Variants in OSBPL1A observed in about 807,000 individuals in gnomAD.
OSBPL1A encodes oxysterol binding protein like 1A, also known as oxysterol-binding protein-related protein 1.
A neutral mutation model predicts 137.1 loss-of-function variants in OSBPL1A; 80 were observed. The ratio of observed to expected loss-of-function variants is 0.58; its 90% CI spans 0.49 to 0.70. The LOEUF (loss-of-function observed/expected upper bound fraction) is 0.70, where lower values mean the gene tolerates loss of function less well. OSBPL1A is among the 30% of genes least tolerant of loss of function. The probability of loss-of-function intolerance (pLI) is 0.00; values close to 1 mark genes in which losing one functional copy is unlikely to be tolerated. For missense variants in OSBPL1A, 970 were observed against 1,129.4 expected (o/e 0.86, Z 2.02); for synonymous variants, 365 against 389.7 (o/e 0.94, Z 0.75).
intron 13 of OSBPL1A, 116 bp from the exon 14 acceptor site, chr18:24,303,834 C>G: frequency 1.4e-6 from 1 of 723,590 alleles, no homozygotes; most frequent in Non-Finnish European, 2.3e-6. Context: ...ATAACAGAGA[C>G]ATATGCCTTA....
intron 14 of OSBPL1A, among the ~76,000 whole-genome samples, chr18:24,288,306 C>A (rs554304884): frequency 6.6e-6 from 1 of 152,344 alleles, no homozygotes; most frequent in African/African-American, 2.4e-5. Flanking sequence ...AGAGAGGAAG[C>A]AGCTGAAGTG....
intron 7 of OSBPL1A, among the ~76,000 whole-genome samples, chr18:24,323,351 G>C (rs1299924058): frequency 6.6e-6 from 1 of 151,152 alleles, no homozygotes; most frequent in Non-Finnish European, 1.5e-5. Context: ...CCAGCAGTTC[G>C]AGACCAGCCC....
intron 7 of OSBPL1A, among the ~76,000 whole-genome samples, chr18:24,322,641 T>G (rs920152831): frequency 3.2e-4 from 48 of 152,320 alleles, no homozygotes; most frequent in African/African-American, 1.2e-3. Context: ...CAGGGCACTT[T>G]GGAGAAATTA....
At chr18:24,228,724 C>T (rs368254394) in intron 16 of OSBPL1A, among the ~76,000 whole-genome samples, 4 of 152,068 alleles carry the variant, frequency 2.6e-5, no homozygotes, top group East Asian at 1.9e-4. Flanking sequence ...GAGCTGCGTT[C>T]GCTGACAAGG....
At chr18:24,369,386 G>C (rs532208831) in intron 2 of OSBPL1A, among the ~76,000 whole-genome samples, 1 of 152,000 alleles carries the variant, frequency 6.6e-6, no homozygotes, top group African/African-American at 2.4e-5. Flanking sequence ...AAGCCCAAAA[G>C]CTTCCCAAAA....
chr18:24,303,661 T>C lies in OSBPL1A; in HGVS notation c.1150A>G (p.Ile384Val). 1 of 1,613,594 alleles carries C rather than the reference T, an allele frequency of 6.2e-7. No individual in the cohort carries two copies. Among genetic ancestry groups the C allele is most frequent in the Non-Finnish European group, 8.5e-7 (1 of 1,179,672 alleles). ...DREISNFLKMIKECDMAKEML... is the reference protein window; with the variant it reads ...DREISNFLKMVKECDMAKEML... ...CCTTTAGCCATGTCACACTCCTTAA[T>C]CATTTTGAGAAAGTTGGAAATTTCC... Residue 384 changes from isoleucine (I) to valine (V), a missense_variant, in exon 14 of 28, where the codon ATT becomes GTT. Physicochemically the swap from Ile to Val is conservative, Grantham distance 29. This residue lies in a region of OSBPL1A where 647 missense variants were observed against 672.6 expected (regional missense o/e 0.96). Transcript: ENST00000319481.
At chr18:24,169,584 A>G (rs1332683706) in intron 24 of OSBPL1A, among the ~76,000 whole-genome samples, 2 of 152,340 alleles carry the variant, frequency 1.3e-5, no homozygotes, top group East Asian at 3.9e-4. Context: ...AGGCAGAGAG[A>G]TGAGAAATCT....
chr18:24,200,092 C>T (rs559816307), intron 17 of OSBPL1A, among the ~76,000 whole-genome samples: 4 of 152,250 alleles, frequency 2.6e-5, no homozygotes, highest in South Asian at 4.1e-4. Flanking sequence ...TAAATACATA[C>T]AAAAAATGAT....
chr18:24,282,069 A>AC (rs1476177467), intron 14 of OSBPL1A, among the ~76,000 whole-genome samples: 3 of 146,514 alleles, frequency 2.0e-5, no homozygotes, highest in Admixed American at 6.9e-5. Flanking sequence ...CCATCTCCCC[A>AC]CCCCCCACTC....
In OSBPL1A at chr18:24,382,648, T is replaced by C. The variant is rs182127326; in HGVS notation, c.-2-5113A>G. On this transcript the variant is annotated intron_variant, in intron 1 of 27. Transcript: ENST00000319481. ...GGCTCAGCACTTTGGGAGGCCGAGGTGGGTGGATCTCCAGTCCAGGAGATC... is the reference window on the plus strand; with the variant it reads ...GGCTCAGCACTTTGGGAGGCCGAGGCGGGTGGATCTCCAGTCCAGGAGATC... 2.0e-5 allele frequency among the ~76,000 whole-genome samples: 3 copies of C among 151,804 alleles called. 1 individual carries two copies. In the South Asian group the frequency reaches 6.3e-4, roughly 32 times the overall value.
intron 15 of OSBPL1A, among the ~76,000 whole-genome samples, chr18:24,269,997 C>A (rs1451758730): frequency 6.6e-6 from 1 of 152,146 alleles, no homozygotes; most frequent in African/African-American, 2.4e-5. Context: ...TATGTCTTAG[C>A]TGCTTCCAAA....
intron 17 of OSBPL1A, among the ~76,000 whole-genome samples, chr18:24,197,222 CT>C (rs1406051084): frequency 3.3e-5 from 5 of 152,222 alleles, no homozygotes; most frequent in African/African-American, 1.2e-4. Context: ...TAGTGCACGC[CT>C]GTAATCCCAG....
chr18:24,252,952 C>T (rs1037153401), intron 15 of OSBPL1A, among the ~76,000 whole-genome samples: 1 of 151,332 alleles, frequency 6.6e-6, no homozygotes, highest in Admixed American at 6.6e-5. Flanking sequence ...AGCCTCAAAT[C>T]GAAAAACATA....
chr18:24,203,906 A>T (rs2087293326), intron 17 of OSBPL1A, among the ~76,000 whole-genome samples: 1 of 152,258 alleles, frequency 6.6e-6, no homozygotes, highest in Non-Finnish European at 1.5e-5. Flanking sequence ...CCATAAGAAT[A>T]CTATATCTCA....
At chr18:24,310,691 C>T (rs187696313) in intron 13 of OSBPL1A, among the ~76,000 whole-genome samples, 176 of 150,482 alleles carry the variant, frequency 1.2e-3, no homozygotes, top group Middle Eastern at 7.0e-3. Flanking sequence ...CCTGTAACTT[C>T]CATTTAAAAA....
intron 5 of OSBPL1A, among the ~76,000 whole-genome samples, chr18:24,336,993 G>A (rs1433905407): frequency 6.6e-6 from 1 of 152,096 alleles, no homozygotes. Context: ...TGCCTTTACA[G>A]TGGACCACAA....
chr18:24,173,040 C>A (rs993676141), intron 21 of OSBPL1A, among the ~76,000 whole-genome samples: 5 of 152,150 alleles, frequency 3.3e-5, no homozygotes, highest in African/African-American at 1.2e-4. Flanking sequence ...AAACGTGGCA[C>A]ACATACACCA....
At chr18:24,330,479 A>T (rs1469673083) in intron 7 of OSBPL1A, among the ~76,000 whole-genome samples, 1 of 151,896 alleles carries the variant, frequency 6.6e-6, no homozygotes. Context: ...GTATTTAGAG[A>T]TAAAACTTTT....
At chr18:24,293,212 C>CA (rs1183250989) in intron 14 of OSBPL1A, among the ~76,000 whole-genome samples, 2 of 150,208 alleles carry the variant, frequency 1.3e-5, no homozygotes, top group African/African-American at 2.4e-5. Flanking sequence ...GTTGAAGTAA[C>CA]AGAGACTGGC....
Sources: allele counts gnomAD v4.1 joint callset (sites outside exome capture counted in the v4.1 genomes callset), GRCh38; gene constraint gnomAD v4.1.1; regional missense constraint gnomAD v4.1.1; transcripts MANE v1.5; gene names NCBI Gene and HGNC (gene_info 2026-07-23, HGNC 2026-07-21).